Variants in CWC27 observed in about 807,000 individuals in gnomAD.
The protein encoded by CWC27 is spliceosome-associated protein CWC27 homolog.
Under a neutral mutation model 63.6 loss-of-function variants are expected in CWC27, and 47 were observed. The observed-to-expected ratio is 0.74, with a 90% confidence interval of 0.58 to 0.94. The LOEUF (loss-of-function observed/expected upper bound fraction) is 0.94, where lower values mean the gene tolerates loss of function less well. CWC27 is among the 40% of genes least tolerant of loss of function. The probability of loss-of-function intolerance (pLI) is 0.00; values close to 1 mark genes in which losing one functional copy is unlikely to be tolerated. For synonymous variants in CWC27, 175 were observed against 179.8 expected (o/e 0.97, Z 0.22); for missense variants, 495 against 554.3 (o/e 0.89, Z 1.07).
At chr5:64,953,134 G>T (rs1270012828) in intron 11 of CWC27, among the ~76,000 whole-genome samples, 2 of 152,072 alleles carry the variant, frequency 1.3e-5, no homozygotes, top group Non-Finnish European at 2.9e-5. Flanking sequence ...TTGCCAGTCT[G>T]TGGTATGTAT....
At chr5:64,829,858 T>TG (rs1431157533) in intron 10 of CWC27, among the ~76,000 whole-genome samples, 1 of 151,840 alleles carries the variant, frequency 6.6e-6, no homozygotes, top group Non-Finnish European at 1.5e-5. Flanking sequence ...GTGTTATCAT[T>TG]GTTCAACTCC....
intron 13 of CWC27, among the ~76,000 whole-genome samples, chr5:64,980,667 CTTCT>C (rs1220330767): frequency 6.6e-6 from 1 of 152,160 alleles, no homozygotes; most frequent in Non-Finnish European, 1.5e-5. Flanking sequence ...TCTTTCTCTT[CTTCT>C]TTCTCTCCCC....
At chr5:64,772,862 G>A (rs989657500) in intron 1 of CWC27, among the ~76,000 whole-genome samples, 3 of 151,518 alleles carry the variant, frequency 2.0e-5, no homozygotes, top group South Asian at 2.1e-4. Flanking sequence ...GCTTGAACCC[G>A]GGAAGCAGAG....
At chr5:64,849,574 A>C (rs908065456) in intron 10 of CWC27, among the ~76,000 whole-genome samples, 13 of 152,060 alleles carry the variant, frequency 8.5e-5, no homozygotes, top group African/African-American at 2.9e-4. Context: ...GTTGTTTAAA[A>C]GTATGCAGCA....
At chr5:65,003,386 T>A (rs1749768716) in intron 13 of CWC27, among the ~76,000 whole-genome samples, 1 of 152,192 alleles carries the variant, frequency 6.6e-6, no homozygotes, top group Non-Finnish European at 1.5e-5. Context: ...ATTATTGCCA[T>A]TTCCCTTCCC....
chr5:64,998,084 T>C (rs1707205266), intron 13 of CWC27, among the ~76,000 whole-genome samples: 1 of 152,164 alleles, frequency 6.6e-6, no homozygotes, highest in Admixed American at 6.5e-5. Flanking sequence ...GTCACCTCTT[T>C]TTCTTCCTTT....
At chr5:64,818,679 A>G (rs180760267) in intron 10 of CWC27, among the ~76,000 whole-genome samples, 1 of 152,318 alleles carries the variant, frequency 6.6e-6, no homozygotes, top group East Asian at 1.9e-4. Context: ...CCTATAAAAA[A>G]TGATATATGT....
intron 11 of CWC27, among the ~76,000 whole-genome samples, chr5:64,899,257 G>T (rs1347458177): frequency 3.9e-5 from 6 of 152,148 alleles, no homozygotes; most frequent in African/African-American, 1.4e-4. Flanking sequence ...TTTGAGAGAT[G>T]AATAAAATTC....
At chr5:64,833,609 T>G (rs546216115) in intron 10 of CWC27, among the ~76,000 whole-genome samples, 4 of 151,780 alleles carry the variant, frequency 2.6e-5, no homozygotes, top group African/African-American at 4.8e-5. Context: ...TAGGCTTTTA[T>G]TTTCAGTTTA....
At chr5:64,853,241 G>T (rs144303139) in intron 10 of CWC27, among the ~76,000 whole-genome samples, 1 of 152,106 alleles carries the variant, frequency 6.6e-6, no homozygotes, top group Non-Finnish European at 1.5e-5. Flanking sequence ...TTATTTGTGG[G>T]TATATAATAA....
intron 10 of CWC27, among the ~76,000 whole-genome samples, chr5:64,866,239 T>C (rs1746528829): frequency 6.6e-6 from 1 of 152,082 alleles, no homozygotes; most frequent in African/African-American, 2.4e-5. Context: ...AAACCAAAGC[T>C]GGTGATTTTT....
Position 64,789,009 on chromosome 5 carries a change from C to A in CWC27, c.658C>A (p.Arg220=), listed in dbSNP as rs747744168. 1.2e-6 allele frequency: 2 copies of A among 1,602,594 alleles called. No homozygotes were observed. The highest frequency in any genetic ancestry group is 1.1e-5 in the South Asian group (1 of 88,728). Residue 220 remains arginine (R), a synonymous_variant, in exon 7 of 14, where the codon CGA becomes AGA. Coordinates refer to ENST00000381070, the MANE Select transcript of CWC27 (RefSeq NM_005869.4). ...EAEEEEEEVN[R]VSQSMKGKSK... ...TGAGGAAGAAGAGGAGGAAGTAAAT[C>A]GAGTTAGTCAGGTAATCTCTAATTT...
At chr5:64,830,084 G>A (rs1287430306) in intron 10 of CWC27, among the ~76,000 whole-genome samples, 1 of 134,298 alleles carries the variant, frequency 7.4e-6, no homozygotes, top group Non-Finnish European at 1.5e-5. Flanking sequence ...GTGCAGGTTT[G>A]TTACATATGT....
intron 13 of CWC27, among the ~76,000 whole-genome samples, chr5:64,990,250 TG>T (rs1229058729): frequency 2.1e-4 from 9 of 43,448 alleles, no homozygotes; most frequent in African/African-American, 6.2e-4. Context: ...GTTTTTTTTT[TG>T]TTTTTTTTTT....
intron 10 of CWC27, among the ~76,000 whole-genome samples, chr5:64,823,542 C>G (rs1173376224): frequency 1.2e-4 from 18 of 152,162 alleles, no homozygotes; most frequent in Non-Finnish European, 2.1e-4. Flanking sequence ...TTTCCCACCT[C>G]CTACATCCCT....
rs927473472 is a variant in CWC27, at chr5:64,971,761, T to G, written c.1101T>G (p.Tyr367Ter). The change falls in exon 12 of 14, where the codon TAT becomes TAG. Residue 367 changes from tyrosine to a stop codon, truncating the protein, a stop_gained. Coordinates refer to ENST00000381070, the MANE Select transcript of CWC27 (RefSeq NM_005869.4). LOFTEE classifies it high-confidence loss of function. Reference protein sequence around the residue: ...VAEYRREKQKYEALRKQQSKK... With the variant: ...VAEYRREKQK ...AATACAGAAGAGAAAAGCAAAAGTA[T>G]GAAGCTTTGAGGAAGCAACAGTCAA... 3.1e-6 allele frequency: 5 copies of G among 1,612,426 alleles called. No homozygotes were observed.
rs531972268 is a variant in CWC27, at chr5:64,917,955, T to TAC, written c.1042+32423_1042+32424dup. Reference sequence around the variant, plus strand: ...ATACATACACACACACACACAAACATACACACACACACACATTGGTTGTAT... The same window carrying TAC: ...ATACATACACACACACACACAAACATACACACACACACACACATTGGTTGTAT... On this transcript the variant is annotated intron_variant, in intron 11 of 13. Transcript: ENST00000381070. Among the ~76,000 whole-genome samples, 636 of 150,804 alleles carry TAC rather than the reference T, an allele frequency of 4.2e-3. 2 individuals carry two copies. The highest frequency in any genetic ancestry group is 6.5e-3 in the Non-Finnish European group (437 of 67,532).
chr5:64,807,807 G>C (rs1467409721), intron 10 of CWC27: 1 of 1,534,632 alleles, frequency 6.5e-7, no homozygotes, highest in Non-Finnish European at 8.7e-7. Context: ...TATGAAATGA[G>C]AGTAAATTTC....
At chr5:64,879,653 A>G (rs1746888568) in intron 10 of CWC27, among the ~76,000 whole-genome samples, 1 of 151,928 alleles carries the variant, frequency 6.6e-6, no homozygotes, top group South Asian at 2.1e-4. Context: ...ACCAGAAGCC[A>G]TTGAAATTTG....
Sources: allele counts gnomAD v4.1 joint callset (sites outside exome capture counted in the v4.1 genomes callset), GRCh38; gene constraint gnomAD v4.1.1; transcripts MANE v1.5; gene names NCBI Gene and HGNC (gene_info 2026-07-23, HGNC 2026-07-21).